Variants in BNIP2 observed in about 807,000 individuals in gnomAD.
BNIP2 encodes BCL2 interacting protein 2.
A neutral mutation model predicts 43.4 loss-of-function variants in BNIP2; 36 were observed. The ratio of observed to expected loss-of-function variants is 0.83; its 90% confidence interval spans 0.64 to 1.10. The LOEUF is 1.10. Ranked by LOEUF, BNIP2 falls within the 50% of genes least tolerant of loss-of-function variation. BNIP2 has a pLI of 0.00. For missense variants in BNIP2, 417 were observed against 374.1 expected (o/e 1.11, Z -0.95); for synonymous variants, 146 against 121.0 (o/e 1.21, Z -1.35).
chr15:59,677,927 T>G lies in BNIP2; in HGVS notation c.456A>C (p.Lys152Asn). Reference sequence around the variant, plus strand: ...AACTCTTACCCCCATGGCTGATAACTTTTTTATAGGGTTCAATTGCCTTCA... The same window carrying G: ...AACTCTTACCCCCATGGCTGATAACGTTTTTATAGGGTTCAATTGCCTTCA... ...VDMKAIEPYK[K>N]VISHGGYYGD... Residue 152 changes from lysine (K) to asparagine (N), a missense_variant, in exon 5 of 10, where the codon AAA becomes AAC. Transcript: ENST00000607373. 2.5e-6 allele frequency: 4 copies of G among 1,607,962 alleles called. No individual in the cohort carries two copies. Among genetic ancestry groups the G allele is most frequent in the Non-Finnish European group, 3.4e-6 (4 of 1,178,174 alleles).
chr15:59,668,771 C>CAG (rs1227152364), intron 9 of BNIP2, 121 bp downstream of exon 9: 1 of 817,234 alleles, frequency 1.2e-6, no homozygotes, highest in Non-Finnish European at 1.8e-6. Context: ...CACACACACA[C>CAG]ACGCGCGCGC....
chr15:59,689,201 C>T lies in BNIP2; in HGVS notation c.-124G>A. On this transcript the variant is annotated 5_prime_UTR_variant, in exon 1 of 10. Transcript: ENST00000607373. ...AGGCCGGCGACGTGGGGCTGACGGC[C>T]AGGTCGCAAAAAGCAGGGCCGAGCG... 6.5e-7 allele frequency: 1 copy of T among 1,540,000 alleles called. No homozygotes were observed. Among genetic ancestry groups the T allele is most frequent in the South Asian group, 1.2e-5 (1 of 84,010 alleles).
chr15:59,682,468 G>A lies in BNIP2; in HGVS notation c.-11C>T. Reference sequence around the variant, plus strand: ...TTCCACACCTTCCATCCTCAGCCTGGATTCAATGTCAACTACAAACTCTTG... The same window carrying A: ...TTCCACACCTTCCATCCTCAGCCTGAATTCAATGTCAACTACAAACTCTTG... On this transcript the variant is annotated 5_prime_UTR_variant, in exon 2 of 10. Transcript: ENST00000607373. 1 of 1,613,614 alleles carries A rather than the reference G, an allele frequency of 6.2e-7. No homozygotes were observed. Among genetic ancestry groups the A allele is most frequent in the Non-Finnish European group, 8.5e-7 (1 of 1,179,748 alleles).
intron 7 of BNIP2, among the ~76,000 whole-genome samples, chr15:59,669,670 T>C (rs1174137375): frequency 6.6e-6 from 1 of 152,212 alleles, no homozygotes; most frequent in African/African-American, 2.4e-5. Flanking sequence ...CAATACTGAA[T>C]GTAAAAGTAA....
Position 59,678,568 on chromosome 15 carries a change from G to C in BNIP2, c.296-481C>G, listed in dbSNP as rs1469715830. 5 of 1,112,038 alleles carry C rather than the reference G, an allele frequency of 4.5e-6. No individual in the cohort carries two copies. In the African/African-American group the frequency reaches 8.3e-5, roughly 19 times the overall value. The allele number at this position is 1,112,038 out of a possible 1,614,324, so 68.9% of individuals were successfully genotyped here. On this transcript the variant is annotated intron_variant, in intron 4 of 9. Transcript: ENST00000607373. ...TCAATGATCACTTCTCATTTGATCAGTTTTATAAAGCAGAAATGTATTTAT... is the reference window on the plus strand; with the variant it reads ...TCAATGATCACTTCTCATTTGATCACTTTTATAAAGCAGAAATGTATTTAT...
rs34698618 is a variant in BNIP2, at chr15:59,661,330, C to CAAAAAAAA, written c.*2731_*2738dup. On this transcript the variant is annotated 3_prime_UTR_variant, in exon 10 of 10. Coordinates refer to ENST00000607373, the MANE Select transcript of BNIP2 (RefSeq NM_004330.4). The stretch of plus-strand genomic sequence containing the variant: ...GGGTGACAGAGTGAGTCTCTGTCTC[C>CAAAAAAAA]AAAAAAAAAAAAAAAAAAAGAGAGG... 1.0e-5 allele frequency: 1 copy of CAAAAAAAA among 98,736 alleles called. No individual in the cohort carries two copies. The highest frequency in any genetic ancestry group is 1.9e-5 in the Non-Finnish European group (1 of 53,752). 6.1% of individuals were successfully genotyped at this position (98,736 alleles called of 1,614,324 possible).
rs548627177 is a variant in BNIP2 at position 59,659,638 on chromosome 15, G to C, written c.*4431C>G. On this transcript the variant is annotated 3_prime_UTR_variant, in exon 10 of 10. Transcript: ENST00000607373. ...GTCCACATACAAAAAGTGCAGTGTA[G>C]AAGCTGATGAATGTTATTTTCCAAG... 6.6e-6 allele frequency: 1 copy of C among 152,352 alleles called. No individual in the cohort carries two copies. Among genetic ancestry groups the C allele is most frequent in the African/African-American group, 2.4e-5 (1 of 41,574 alleles). 9.4% of individuals were successfully genotyped at this position (152,352 alleles called of 1,614,324 possible). A position where few individuals can be genotyped will look rare whatever the true frequency, so the allele number is the denominator to read the frequency against.
At chr15:59,679,474 G>C (rs1348371485) in intron 4 of BNIP2, 118 bp downstream of exon 4, 1 of 1,204,008 alleles carries the variant, frequency 8.3e-7, no homozygotes, top group East Asian at 2.7e-5. Context: ...ATATTCAAGG[G>C]TTAGCACAAT....
rs1893408173 is a variant in BNIP2, at chr15:59,677,908, T to C, written c.472+3A>G. The C allele has an allele frequency of 3.1e-6, 5 of 1,597,576 alleles. No homozygotes were observed. The highest frequency in any genetic ancestry group is 2.2e-5 in the East Asian group (1 of 44,786). On this transcript the variant is annotated splice_donor_region_variant and intron_variant, in intron 5 of 9. Coordinates refer to ENST00000607373, the MANE Select transcript of BNIP2 (RefSeq NM_004330.4). ...AATCTGAAAAATCCTCAGTAACTCT[T>C]ACCCCCATGGCTGATAACTTTTTTA...
Position 59,688,511 on chromosome 15 carries a change from C to CAA in BNIP2, c.-58+622_-58+623dup, listed in dbSNP as rs201109967. ...AAAAGCTGTTTCGTCAAAGAGCTCA[C>CAA]AAGACACAGACAAGTAACTCTCCAG... On this transcript the variant is annotated intron_variant, in intron 1 of 9. Transcript: ENST00000607373. 3.2e-3 allele frequency: 1,640 copies of CAA among 507,432 alleles called. 34 individuals are homozygous for CAA. The highest frequency in any genetic ancestry group is 0.03 in the African/African-American group (1,446 of 48,802). The allele number at this position is 507,432 out of a possible 1,614,324, so 31.4% of individuals were successfully genotyped here. A position where few individuals can be genotyped will look rare whatever the true frequency, so the allele number is the denominator to read the frequency against.
chr15:59,664,049 G>T lies in BNIP2; in HGVS notation c.*20C>A. The T allele has an allele frequency of 6.5e-7, 1 of 1,533,714 alleles. No individual in the cohort carries two copies. Among genetic ancestry groups the T allele is most frequent in the Non-Finnish European group, 8.8e-7 (1 of 1,135,246 alleles). On this transcript the variant is annotated 3_prime_UTR_variant, in exon 10 of 10. Transcript: ENST00000607373. ...CTCCATCAGCACATTCTTCAGTCTT[G>T]TTTGGACTAGATGCCAAACTTACTG...
At chr15:59,679,230 G>C (rs1893497703) in intron 4 of BNIP2, 1 of 183,618 alleles carries the variant, frequency 5.4e-6, no homozygotes, top group Admixed American at 5.7e-5. Flanking sequence ...AGCAATGTCA[G>C]GCAAACCTAC....
At chr15:59,678,976 T>G in intron 4 of BNIP2, 2 of 650,402 alleles carry the variant, frequency 3.1e-6, no homozygotes, top group Non-Finnish European at 4.3e-6. Flanking sequence ...ATATAGCATA[T>G]CACACTTTAT....
At chr15:59,684,855 A>C (rs1566982686) in intron 1 of BNIP2, among the ~76,000 whole-genome samples, 1 of 152,210 alleles carries the variant, frequency 6.6e-6, no homozygotes, top group Non-Finnish European at 1.5e-5. Context: ...CAGAAACTGA[A>C]AGTTGTACCC....
chr15:59,677,572 G>A (rs1595700159), intron 5 of BNIP2, among the ~76,000 whole-genome samples: 1 of 152,314 alleles, frequency 6.6e-6, no homozygotes, highest in East Asian at 1.9e-4. Flanking sequence ...TTTTGACACA[G>A]TATGTCAAAA....
chr15:59,682,069 C>T (rs1283959401), intron 2 of BNIP2, among the ~76,000 whole-genome samples: 1 of 152,136 alleles, frequency 6.6e-6, no homozygotes, highest in Non-Finnish European at 1.5e-5. Flanking sequence ...TGGCTCACAC[C>T]TGTAATCCCA....
Position 59,659,604 on chromosome 15 carries a change from C to A in BNIP2, c.*4465G>T, listed in dbSNP as rs1191815072. 2.0e-5 allele frequency: 3 copies of A among 152,194 alleles called. No individual in the cohort carries two copies. The highest frequency in any genetic ancestry group is 4.4e-5 in the Non-Finnish European group (3 of 68,024). 9.4% of individuals were successfully genotyped at this position (152,194 alleles called of 1,614,324 possible). A position where few individuals can be genotyped will look rare whatever the true frequency, so the allele number is the denominator to read the frequency against. On this transcript the variant is annotated 3_prime_UTR_variant, in exon 10 of 10. Coordinates refer to ENST00000607373, the MANE Select transcript of BNIP2 (RefSeq NM_004330.4). The stretch of plus-strand genomic sequence containing the variant: ...AAGCAACTGTTAAACGGACATTAAA[C>A]TTTACAAAGTCCACATACAAAAAGT...
At position 59,679,657 on chromosome 15, in the gene BNIP2, C is replaced by G. The variant is rs151020713; in HGVS notation, c.230G>C (p.Ser77Thr). 1.9e-6 allele frequency: 3 copies of G among 1,613,154 alleles called. No individual in the cohort carries two copies. The African/African-American group carries it at 4.0e-5, about 22-fold the overall frequency. The change falls in exon 4 of 10, where the codon AGT becomes ACT. Residue 77 changes from serine to threonine, a missense_variant. Transcript: ENST00000607373. ...TAAGCCATCTAAGTCAATCTCCCCA[C>G]TTTCATCCAAATCATCTGACAATAC... ...GSVLSDDLDE[S>T]GEIDLDGLDT...
chr15:59,672,183 G>C (rs1892977696), intron 6 of BNIP2: 1 of 152,412 alleles, frequency 6.6e-6, no homozygotes, highest in African/African-American at 2.4e-5. Flanking sequence ...TAATATCAAA[G>C]AATAAGGACT....
Sources: allele counts gnomAD v4.1 joint callset (sites outside exome capture counted in the v4.1 genomes callset), GRCh38; gene constraint gnomAD v4.1.1; transcripts MANE v1.5; gene names NCBI Gene and HGNC (gene_info 2026-07-23, HGNC 2026-07-21).